The following ACP2 variants were observed in gnomAD, a reference collection of about 807,000 sequenced individuals.
ACP2 encodes the protein lysosomal acid phosphatase.
Under a neutral mutation model 54.7 loss-of-function variants are expected in ACP2, and 35 were observed. That is an observed-to-expected ratio of 0.64 (90% CI 0.49 to 0.85). ACP2 has a LOEUF of 0.85. Ranked by LOEUF, ACP2 falls within the 40% of genes least tolerant of loss-of-function variation. ACP2 has a pLI of 0.00. For synonymous variants in ACP2, 210 were observed against 224.4 expected, an observed-to-expected ratio of 0.94 and a Z score of 0.57; for missense variants, 492 against 565.0, an observed-to-expected ratio of 0.87 and a Z score of 1.31.
At position 47,239,550 on chromosome 11, in the gene ACP2, A is replaced by AT. The variant is rs922788006; in HGVS notation, c.*565dup. ...TGCTCCAGTTGAAGGGGTGACAACG[A>AT]TTCCTGAAGCATTCTGTCTGAGTCT... is the stretch of plus-strand genomic sequence containing the variant. On this transcript the variant is annotated 3_prime_UTR_variant, in exon 11 of 11. Coordinates refer to ENST00000672073, the MANE Select transcript of ACP2 (RefSeq NM_001610.4). 1.3e-5 allele frequency: 2 copies of AT among 156,226 alleles called. No homozygotes were observed. Among genetic ancestry groups the AT allele is most frequent in the Non-Finnish European group, 2.8e-5 (2 of 70,458 alleles). The allele number at this position is 156,226 out of a possible 1,614,324, so 9.7% of individuals were successfully genotyped here.
intron 7 of ACP2, 67 bp downstream of exon 7, chr11:47,244,668 C>T: frequency 7.6e-7 from 1 of 1,322,142 alleles, no homozygotes; most frequent in East Asian, 2.4e-5. Flanking sequence ...GTGAGAAGCC[C>T]CCACAGCAGA....
chr11:47,244,917 C>T (rs1168669437), intron 6 of ACP2, 50 bp from the exon 7 acceptor site: 1 of 1,542,030 alleles, frequency 6.5e-7, no homozygotes, highest in Non-Finnish European at 8.7e-7. Context: ...GCCAGCCTCT[C>T]CAGGGGGCAG....
Position 47,248,688 on chromosome 11 carries a change from G to A in ACP2, c.102C>T (p.Arg34=), listed in dbSNP as rs756720888. The change falls in exon 1 of 11, where the codon CGC becomes CGT. Residue 34 remains arginine (R), a synonymous_variant. Coordinates refer to ENST00000672073, the MANE Select transcript of ACP2 (RefSeq NM_001610.4). Reference sequence around the variant, plus strand: ...CATCTCTCATTACCAAGGTAACGAAGCGCAGACTCCGGGCCCGGGTGGGCG... The same window carrying A: ...CATCTCTCATTACCAAGGTAACGAAACGCAGACTCCGGGCCCGGGTGGGCG... ...VMPPTRARSL[R]FVTLLYRHGD... is the part of the protein sequence containing the mutation. 52 of 1,611,626 alleles carry A rather than the reference G, an allele frequency of 3.2e-5. No individual in the cohort carries two copies. The highest frequency in any genetic ancestry group is 6.7e-5 in the African/African-American group (5 of 74,902).
At chr11:47,242,963 C>T in intron 9 of ACP2, 55 bp downstream of exon 9, 1 of 1,611,756 alleles carries the variant, frequency 6.2e-7, no homozygotes. Flanking sequence ...CCTTGGGCTG[C>T]CCCGAGCCAC....
chr11:47,240,067 G>A lies in ACP2; in HGVS notation c.*49C>T, dbSNP rs1455216905. On this transcript the variant is annotated 3_prime_UTR_variant, in exon 11 of 11. Coordinates refer to ENST00000672073, the MANE Select transcript of ACP2 (RefSeq NM_001610.4). Reference sequence around the variant, plus strand: ...GGAGCAGCAACAGTCAGGAGCGAGGGCCCAGCCCACCTCCCCTAGGAGGTG... The same window carrying A: ...GGAGCAGCAACAGTCAGGAGCGAGGACCCAGCCCACCTCCCCTAGGAGGTG... The A allele has an allele frequency of 1.3e-6, 2 of 1,577,662 alleles. No individual in the cohort carries two copies. Among genetic ancestry groups the A allele is most frequent in the Non-Finnish European group, 1.7e-6 (2 of 1,160,526 alleles).
intron 2 of ACP2, 28 bp from the exon 3 acceptor site, chr11:47,247,755 G>A (rs759407660): frequency 1.2e-6 from 2 of 1,607,258 alleles, no homozygotes; most frequent in South Asian, 2.2e-5. Context: ...GGTTAAGAGG[G>A]TCTAGAGGGA....
chr11:47,247,494 G>T, intron 3 of ACP2, 147 bp downstream of exon 3: 2 of 913,054 alleles, frequency 2.2e-6, no homozygotes, highest in Non-Finnish European at 3.4e-6. Context: ...CTTTGTTCCA[G>T]ACAGCTCTCA....
At chr11:47,247,800 T>C in intron 2 of ACP2, 73 bp from the exon 3 acceptor site, 1 of 1,453,530 alleles carries the variant, frequency 6.9e-7, no homozygotes, top group Non-Finnish European at 9.4e-7. Context: ...GTTTAGGCCC[T>C]GTTGCTTTCC....
intron 10 of ACP2, 132 bp downstream of exon 10, chr11:47,242,590 AG>A: frequency 1.0e-6 from 1 of 984,430 alleles, no homozygotes; most frequent in South Asian, 1.5e-5. Context: ...GGTATAAAGC[AG>A]TCTGGGGTCG....
rs561547978 is a variant in ACP2, at chr11:47,244,858, C to A, written c.649G>T (p.Gly217Trp). The stretch of plus-strand genomic sequence containing the variant: ...GAGGCCCAGGGCGGCAGGCGCAGCC[C>A]GTGCGTTTGCTGTGTATCGCAGCAG... ...YDTLFCEQTH[G>W]LRLPPWASPQ... The change falls in exon 7 of 11, where the codon GGG (glycine) becomes TGG (tryptophan). Residue 217 changes from glycine to tryptophan, a missense_variant. By Grantham distance (184) the Gly-to-Trp change is radical (BLOSUM62 -2). Transcript: ENST00000672073. The A allele has an allele frequency of 1.9e-6, 3 of 1,606,808 alleles. No homozygotes were observed. The highest frequency in any genetic ancestry group is 2.7e-5 in the African/African-American group (2 of 74,886).
At chr11:47,241,433 C>T (rs1261045741) in intron 10 of ACP2, among the ~76,000 whole-genome samples, 1 of 152,198 alleles carries the variant, frequency 6.6e-6, no homozygotes, top group Non-Finnish European at 1.5e-5. Context: ...AGGAGAATCA[C>T]TTACACCCGG....
In ACP2 at chr11:47,244,828, G is replaced by C. The variant is rs1954000675; in HGVS notation, c.679C>G (p.Gln227Glu). The C allele has an allele frequency of 5.0e-6, 8 of 1,612,062 alleles. No individual in the cohort carries two copies. The Admixed American group carries it at 1.0e-4, about 20-fold the overall frequency. The change falls in exon 7 of 11, where the codon CAA (glutamine) becomes GAA (glutamate). Residue 227 changes from glutamine to glutamate, a missense_variant. Gln to Glu is a conservative substitution (Grantham distance 29). Coordinates refer to ENST00000672073, the MANE Select transcript of ACP2 (RefSeq NM_001610.4). Reference protein sequence around the residue: ...GLRLPPWASPQTMQRLSRLKD... With the variant: ...GLRLPPWASPETMQRLSRLKD... ...AGCCGGCTGAGACGCTGCATGGTTT[G>C]GGGTGAGGCCCAGGGCGGCAGGCGC...
At chr11:47,247,910 A>T in intron 2 of ACP2, 128 bp downstream of exon 2, 1 of 966,848 alleles carries the variant, frequency 1.0e-6, no homozygotes, top group Non-Finnish European at 1.5e-6. Flanking sequence ...GATTAAGGTT[A>T]TGAAATCTGG....
intron 7 of ACP2, 56 bp downstream of exon 7, chr11:47,244,679 T>C: frequency 7.0e-7 from 1 of 1,433,090 alleles, no homozygotes; most frequent in Middle Eastern, 1.9e-4. Flanking sequence ...CCACAGCAGA[T>C]TTTTAACGCC....
At position 47,247,131 on chromosome 11, in the gene ACP2, G is replaced by A. The variant is rs186211779; in HGVS notation, c.297+510C>T. 2.4e-3 allele frequency among the ~76,000 whole-genome samples: 360 copies of A among 152,208 alleles called. 2 individuals carry two copies. The highest frequency in any genetic ancestry group is 8.2e-3 in the African/African-American group (341 of 41,524). On this transcript the variant is annotated intron_variant, in intron 3 of 10. Coordinates refer to ENST00000672073, the MANE Select transcript of ACP2 (RefSeq NM_001610.4). ...CTGATGTGCCCTAGGAATATAGCAC[G>A]ACCTGGCGCAGCAGACAGGGCTCAA...
chr11:47,247,565 A>G, intron 3 of ACP2, 76 bp downstream of exon 3: 1 of 1,554,204 alleles, frequency 6.4e-7, no homozygotes, highest in Non-Finnish European at 8.9e-7. Context: ...GCCCAGCCTC[A>G]GCCTTAGGCT....
chr11:47,247,295 A>G (rs943303460), intron 3 of ACP2: 2 of 358,934 alleles, frequency 5.6e-6, no homozygotes, highest in Admixed American at 8.4e-5. Flanking sequence ...TCATATCTGT[A>G]TGGTGCACAA....
chr11:47,244,441 G>C (rs774218052), intron 7 of ACP2, among the ~76,000 whole-genome samples: 1 of 152,126 alleles, frequency 6.6e-6, no homozygotes, highest in Non-Finnish European at 1.5e-5. Flanking sequence ...CTTGAACTCA[G>C]GAGGCAGAGG....
chr11:47,248,518 C>A, intron 1 of ACP2, 158 bp downstream of exon 1: 4 of 1,551,318 alleles, frequency 2.6e-6, no homozygotes, highest in Non-Finnish European at 3.5e-6. Context: ...CTCCCATAAG[C>A]CAGGGCTCCA....
Sources: gnomAD v4.1 joint callset for allele counts (sites outside exome capture counted in the v4.1 genomes callset) on GRCh38, gnomAD v4.1.1 for gene constraint, MANE v1.5 for transcripts, NCBI Gene and HGNC (gene_info 2026-07-23, HGNC 2026-07-21) for gene names.